Variants in TMEM131L observed in about 807,000 individuals in gnomAD.
TMEM131L encodes transmembrane protein 131-like.
In TMEM131L, 54 loss-of-function variants were observed where a neutral mutation model predicts 192.2. The observed-to-expected ratio is 0.28, with a 90% CI of 0.23 to 0.35. TMEM131L has a LOEUF of 0.35. TMEM131L is among the 10% of genes least tolerant of loss of function. The pLI is 1.00. For missense variants in TMEM131L, 1,888 were observed against 1,972.9 expected, an observed-to-expected ratio of 0.96 and a Z score of 0.82; for synonymous variants, 701 against 704.9, an observed-to-expected ratio of 0.99 and a Z score of 0.09.
In TMEM131L at chr4:153,469,857, C is replaced by T. The variant is rs773211374; in HGVS notation, c.195+2576C>T. On this transcript the variant is annotated intron_variant, in intron 2 of 34. Coordinates refer to ENST00000409959, the MANE Select transcript of TMEM131L (RefSeq NM_001131007.2). Reference sequence around the variant, plus strand: ...AGGAGAATTGCTTGAACCTGGGAGGCGGAGGTTACAGTGAGCTGAGATCGC... The same window carrying T: ...AGGAGAATTGCTTGAACCTGGGAGGTGGAGGTTACAGTGAGCTGAGATCGC... Among the ~76,000 whole-genome samples the T allele has an allele frequency of 8.7e-4, 132 of 151,978 alleles. 1 individual carries two copies. Among genetic ancestry groups the T allele is most frequent in the African/African-American group, 2.9e-3 (119 of 41,364 alleles).
rs775356819 is a variant in TMEM131L at position 153,586,330 on chromosome 4, T to C, written c.1433T>C (p.Ile478Thr). 1.2e-6 allele frequency: 2 copies of C among 1,605,114 alleles called. No individual in the cohort carries two copies. Among genetic ancestry groups the C allele is most frequent in the Non-Finnish European group, 1.7e-6 (2 of 1,177,002 alleles). The change falls in exon 14 of 35, where the codon ATA becomes ACA. Residue 478 changes from isoleucine to threonine, a missense_variant. Ile to Thr is a moderately conservative substitution (Grantham distance 89). Transcript: ENST00000409959. ...ACCAATGTATTTTTGACTACAAACA[T>C]AGGTGCCATTTTTGCAATACCTCTA... ...LFTNVFLTTN[I>T]GAIFAIPLQI...
At chr4:153,527,819 C>T (rs1037503377) in intron 3 of TMEM131L, among the ~76,000 whole-genome samples, 1 of 152,208 alleles carries the variant, frequency 6.6e-6, no homozygotes, top group Non-Finnish European at 1.5e-5. Context: ...GGGCCCCTGA[C>T]TCTGAGGTGA....
chr4:153,606,534 C>T (rs987324688), intron 25 of TMEM131L, among the ~76,000 whole-genome samples: 1 of 152,194 alleles, frequency 6.6e-6, no homozygotes, highest in East Asian at 1.9e-4. Flanking sequence ...CTGTCTAGTA[C>T]TTGACATTCA....
intron 28 of TMEM131L, 134 bp from the exon 29 acceptor site, chr4:153,622,764 C>T: frequency 1.2e-6 from 1 of 820,590 alleles, no homozygotes; most frequent in Non-Finnish European, 2.0e-6. Flanking sequence ...TGAACTCCTC[C>T]TTTCTTGCTA....
intron 21 of TMEM131L, among the ~76,000 whole-genome samples, chr4:153,600,441 A>G (rs1731757932): frequency 6.6e-6 from 1 of 152,182 alleles, no homozygotes; most frequent in Non-Finnish European, 1.5e-5. Context: ...TTTAGTTTAA[A>G]TAGCTGCATG....
intron 28 of TMEM131L, among the ~76,000 whole-genome samples, chr4:153,622,420 T>C (rs1217233132): frequency 6.6e-6 from 1 of 152,220 alleles, no homozygotes; most frequent in Admixed American, 6.5e-5. Context: ...CCAGCACACT[T>C]AGCTGGTTTC....
At chr4:153,504,272 T>C (rs1423817963) in intron 3 of TMEM131L, among the ~76,000 whole-genome samples, 1 of 75,496 alleles carries the variant, frequency 1.3e-5, no homozygotes, top group East Asian at 4.9e-4. Context: ...CGGCCTTTTT[T>C]TTTTTTTTTT....
chr4:153,622,757 ACTC>A (rs1383725374), intron 28 of TMEM131L, 138 bp from the exon 29 acceptor site: 2 of 776,374 alleles, frequency 2.6e-6, no homozygotes, highest in Non-Finnish European at 4.4e-6. Context: ...GTTTCCATGA[ACTC>A]CTCCTTTCTT....
intron 7 of TMEM131L, among the ~76,000 whole-genome samples, chr4:153,571,209 C>G (rs1447110497): frequency 1.3e-5 from 2 of 152,186 alleles, no homozygotes; most frequent in Non-Finnish European, 2.9e-5. Context: ...AAGAGATACT[C>G]TCCTGTCAGC....
chr4:153,496,962 G>C (rs112967890), intron 3 of TMEM131L, among the ~76,000 whole-genome samples: 2,314 of 152,122 alleles, frequency 0.015, 60 homozygotes, highest in African/African-American at 0.053. Context: ...CCAGGCTCAA[G>C]CGATCCTCCC....
Position 153,547,944 on chromosome 4 carries a change from A to G in TMEM131L, c.240-2129A>G, listed in dbSNP as rs915322613. On this transcript the variant is annotated intron_variant, in intron 3 of 34. Transcript: ENST00000409959. ...TTTCAGTGCACAAGACAGGAAGAAG[A>G]CTGTCATTAATTGCTTTATGCTATG... 2.6e-5 allele frequency among the ~76,000 whole-genome samples: 4 copies of G among 152,292 alleles called. No individual in the cohort carries two copies. In the South Asian group the frequency reaches 8.3e-4, roughly 32 times the overall value.
In TMEM131L at chr4:153,557,041, T is replaced by G. The variant is rs1728516686; in HGVS notation, c.508T>G (p.Leu170Val). The G allele has an allele frequency of 2.5e-6, 4 of 1,581,810 alleles. No homozygotes were observed. The highest frequency in any genetic ancestry group is 3.5e-6 in the Non-Finnish European group (4 of 1,152,302). Residue 170 changes from leucine (L) to valine (V), a missense_variant, in exon 6 of 35, where the codon TTA becomes GTA. Coordinates refer to ENST00000409959, the MANE Select transcript of TMEM131L (RefSeq NM_001131007.2). ...TGAAGAAGGAAGCATTGAAAGTTCC[T>G]TATTTATTAATACCTCTTCGTATGG... is the stretch of plus-strand genomic sequence containing the variant. ...PTEEGSIESSLFINTSSYGVL... is the reference protein window; with the variant it reads ...PTEEGSIESSVFINTSSYGVL...
chr4:153,560,341 C>A (rs1477816492), intron 7 of TMEM131L, among the ~76,000 whole-genome samples: 1 of 152,212 alleles, frequency 6.6e-6, no homozygotes, highest in African/African-American at 2.4e-5. Context: ...TCCTCACAGG[C>A]CACGTCTCTG....
At chr4:153,623,889 T>C (rs1445452784) in intron 29 of TMEM131L, among the ~76,000 whole-genome samples, 5 of 151,074 alleles carry the variant, frequency 3.3e-5, no homozygotes, top group Non-Finnish European at 7.4e-5. Flanking sequence ...CTCTTAATTT[T>C]GCCATATTTG....
At position 153,612,295 on chromosome 4, in the gene TMEM131L, T is replaced by G; in HGVS notation, c.3462T>G (p.Cys1154Trp). ...QVPVKNEVDHCENLKKVDTKP... is the reference protein window; with the variant it reads ...QVPVKNEVDHWENLKKVDTKP... ...CTGTCAAGAATGAAGTAGATCATTG[T>G]GAAAATTTGAAGAAGGTGGACACAA... is the stretch of plus-strand genomic sequence containing the variant. The change falls in exon 26 of 35, where the codon TGT becomes TGG. Residue 1154 changes from cysteine (C) to tryptophan (W), a missense_variant. Physicochemically the swap from Cys to Trp is radical, Grantham distance 215 (BLOSUM62 -2). Transcript: ENST00000409959. 1.3e-6 allele frequency: 2 copies of G among 1,589,592 alleles called. No homozygotes were observed. The highest frequency in any genetic ancestry group is 1.7e-6 in the Non-Finnish European group (2 of 1,171,806).
chr4:153,479,229 T>A (rs1731754144), intron 3 of TMEM131L, among the ~76,000 whole-genome samples: 1 of 152,232 alleles, frequency 6.6e-6, no homozygotes. Flanking sequence ...TCATTGAAGA[T>A]TTTGTTTATG....
At position 153,604,344 on chromosome 4, in the gene TMEM131L, C is replaced by G. The variant is rs755078; in HGVS notation, c.3332C>G (p.Ser1111Cys). 9.9e-6 allele frequency: 16 copies of G among 1,613,920 alleles called. No homozygotes were observed. The highest frequency in any genetic ancestry group is 1.3e-5 in the Non-Finnish European group (15 of 1,179,994). Residue 1111 changes from serine (S) to cysteine (C), a missense_variant, in exon 25 of 35, where the codon TCC becomes TGC. Coordinates refer to ENST00000409959, the MANE Select transcript of TMEM131L (RefSeq NM_001131007.2). ...CGGGAGCTCTGTCCACTGAAGACCT[C>G]CAAGAAACTACCTGAAAACCATTTA... is the stretch of plus-strand genomic sequence containing the variant. ...KERELCPLKT[S>C]KKLPENHLPR...
intron 3 of TMEM131L, among the ~76,000 whole-genome samples, chr4:153,505,198 C>T (rs1733908186): frequency 6.6e-6 from 1 of 151,422 alleles, no homozygotes; most frequent in Admixed American, 6.6e-5. Flanking sequence ...CCTCTGCCTT[C>T]CGGGTTCAAG....
chr4:153,594,554 T>C (rs1731295456), intron 19 of TMEM131L, among the ~76,000 whole-genome samples: 2 of 152,230 alleles, frequency 1.3e-5, no homozygotes, highest in African/African-American at 4.8e-5. Context: ...TGACAAAAAA[T>C]ACATACATAC....
Sources: allele counts gnomAD v4.1 joint callset (sites outside exome capture counted in the v4.1 genomes callset), GRCh38; gene constraint gnomAD v4.1.1; transcripts MANE v1.5; gene names NCBI Gene and HGNC (gene_info 2026-07-23, HGNC 2026-07-21).